The following SLC4A9 variants were observed in gnomAD, a reference collection of about 807,000 sequenced individuals.
The protein encoded by SLC4A9 is solute carrier family 4 member 9.
SLC4A9 carries 102 observed loss-of-function variants against 103.2 expected under a neutral mutation model. The ratio of observed to expected loss-of-function variants is 0.99; its 90% CI spans 0.84 to 1.17. The LOEUF (loss-of-function observed/expected upper bound fraction) is 1.17, where lower values mean the gene tolerates loss of function less well. Ranked by LOEUF, SLC4A9 falls within the 50% of genes most tolerant of loss-of-function variation. The pLI is 0.00. For synonymous variants in SLC4A9, 453 were observed against 483.6 expected (o/e 0.94, Z 0.83); for missense variants, 1,091 against 1,193.7 (o/e 0.91, Z 1.27).
At chr5:140,371,363 C>A in intron 18 of SLC4A9, 88 bp from the exon 19 acceptor site, 1 of 1,536,494 alleles carries the variant, frequency 6.5e-7, no homozygotes, top group South Asian at 1.2e-5. Flanking sequence ...TCTGCCTGCT[C>A]CCAGTGCTGG....
Position 140,363,050 on chromosome 5 carries a change from C to A in SLC4A9, c.946C>A (p.Pro316Thr). The part of the protein sequence containing the change: ...TARIPPPKCL[P>T]SQHKRLPSQQ... The stretch of plus-strand genomic sequence containing the variant: ...CCGGATTCCCCCGCCCAAATGTCTG[C>A]CATCTCAGCACAAAAGGTACCTGGG... The change falls in exon 7 of 22, where the codon CCA becomes ACA. Residue 316 changes from proline (P) to threonine (T), a missense_variant. Coordinates refer to ENST00000506757, the MANE Select transcript of SLC4A9 (RefSeq NM_031467.3). This position sits in a 1 kb window ranked among gnomAD's most constrained non-coding sequence, Gnocchi z 4.5. The A allele has an allele frequency of 9.9e-6, 16 of 1,613,324 alleles. No homozygotes were observed. The highest frequency in any genetic ancestry group is 1.4e-5 in the Non-Finnish European group (16 of 1,179,718).
chr5:140,366,107 G>A, intron 13 of SLC4A9, 44 bp from the exon 14 acceptor site: 2 of 1,608,658 alleles, frequency 1.2e-6, no homozygotes, highest in Non-Finnish European at 8.5e-7. Context: ...TGGAAAAAGA[G>A]AGATGGCAGG....
chr5:140,371,344 G>C, intron 18 of SLC4A9, 107 bp from the exon 19 acceptor site: 1 of 1,476,064 alleles, frequency 6.8e-7, no homozygotes, highest in South Asian at 1.2e-5. Flanking sequence ...GGACTCGGCT[G>C]CCATGCTCTC....
At position 140,362,450 on chromosome 5, in the gene SLC4A9, T is replaced by C. The variant is rs768067266; in HGVS notation, c.725T>C (p.Phe242Ser). The C allele has an allele frequency of 3.7e-6, 6 of 1,614,022 alleles. No homozygotes were observed. The highest frequency in any genetic ancestry group is 5.1e-6 in the Non-Finnish European group (6 of 1,179,870). The change falls in exon 6 of 22, where the codon TTC (phenylalanine) becomes TCC (serine). Residue 242 changes from phenylalanine (F) to serine (S), a missense_variant. Physicochemically the swap from Phe to Ser is radical, Grantham distance 155. Transcript: ENST00000506757. ...LTEVSLPSRF[F>S]CLLLGPCMLG... Reference sequence around the variant, plus strand: ...GGGCCTGGTTCCTTCCTCAGGTTTTTCTGCCTTCTCCTGGGCCCCTGTATG... The same window carrying C: ...GGGCCTGGTTCCTTCCTCAGGTTTTCCTGCCTTCTCCTGGGCCCCTGTATG...
intron 11 of SLC4A9, 136 bp from the exon 12 acceptor site, chr5:140,365,384 A>T: frequency 1.5e-6 from 1 of 688,412 alleles, no homozygotes; most frequent in Non-Finnish European, 2.5e-6. Flanking sequence ...CACACTTGGT[A>T]GTGATAGAGT....
chr5:140,374,208 A>T (rs1389722851), intron 21 of SLC4A9, among the ~76,000 whole-genome samples: 1 of 150,876 alleles, frequency 6.6e-6, no homozygotes, highest in Non-Finnish European at 1.5e-5. Flanking sequence ...ATCAAAAACA[A>T]AAATCTCTCT....
At position 140,362,969 on chromosome 5, in the gene SLC4A9, G is replaced by C. The variant is rs779055119; in HGVS notation, c.865G>C (p.Asp289His). 11 of 1,613,552 alleles carry C rather than the reference G, an allele frequency of 6.8e-6. No homozygotes were observed. In the East Asian group the frequency reaches 2.2e-4, roughly 33 times the overall value. The change falls in exon 7 of 22, where the codon GAT becomes CAT. Residue 289 changes from aspartate (D) to histidine (H), a missense_variant. By Grantham distance (81) the Asp-to-His change is moderately conservative (BLOSUM62 -1). Coordinates refer to ENST00000506757, the MANE Select transcript of SLC4A9 (RefSeq NM_031467.3). ...SNLHDLLAALDAFLEEVTVLP... is the reference protein window; with the variant it reads ...SNLHDLLAALHAFLEEVTVLP... ...CCTTCATGACCTTCTGGCAGCCCTG[G>C]ATGCATTCCTAGAGGAGGTGACAGT...
At position 140,363,448 on chromosome 5, in the gene SLC4A9, G is replaced by A. The variant is rs1427111478; in HGVS notation, c.972G>A (p.Ser324=). The change falls in exon 8 of 22, where the codon TCG becomes TCA. Residue 324 remains serine, a synonymous_variant. Transcript: ENST00000506757. This position sits in a 1 kb window ranked among gnomAD's most constrained non-coding sequence, Gnocchi z 4.5. ...TTCCCCTCCTCCTCAGGCTTCCCTC[G>A]CAACAGCGGGAGATCAGAGGTCCCG... ...CLPSQHKRLP[S]QQREIRGPAV... The A allele has an allele frequency of 1.3e-6, 2 of 1,551,208 alleles. No individual in the cohort carries two copies. The highest frequency in any genetic ancestry group is 1.4e-5 in the African/African-American group (1 of 73,160).
In SLC4A9 at chr5:140,368,644, G is replaced by A. The variant is rs750070929; in HGVS notation, c.2412G>A (p.Leu804=). ...TCCTTACAGGAGCCTCCATCTTCCT[G>A]GCACCTGTGCTCAAGGTACCTTTGT... is the stretch of plus-strand genomic sequence containing the variant. The part of the protein sequence containing the change: ...VFILTGASIF[L]APVLKFIPMP... Residue 804 remains leucine (L), a synonymous_variant, in exon 17 of 22, where the codon CTG becomes CTA. Transcript: ENST00000506757. 1.9e-6 allele frequency: 3 copies of A among 1,613,462 alleles called. No homozygotes were observed. Among genetic ancestry groups the A allele is most frequent in the Non-Finnish European group, 2.5e-6 (3 of 1,179,682 alleles).
In SLC4A9 at chr5:140,363,836, C is replaced by T. The variant is rs941357503; in HGVS notation, c.1188C>T (p.Tyr396=). 4 of 1,614,000 alleles carry T rather than the reference C, an allele frequency of 2.5e-6. No individual in the cohort carries two copies. The highest frequency in any genetic ancestry group is 1.3e-5 in the African/African-American group (1 of 75,054). ...GCTTCTCGGCCGTACTCTACATTTA[C>T]CTGGCCACTGTCACTAATGCCATCA... ...LQCFSAVLYI[Y]LATVTNAITF... The change falls in exon 9 of 22, where the codon TAC becomes TAT. Residue 396 remains tyrosine (Y), a synonymous_variant. Transcript: ENST00000506757. The surrounding 1 kb of genome is among the most constrained non-coding windows in gnomAD (Gnocchi z 4.5).
At chr5:140,374,051 C>T (rs761150738) in intron 21 of SLC4A9, among the ~76,000 whole-genome samples, 4 of 150,542 alleles carry the variant, frequency 2.7e-5, no homozygotes, top group South Asian at 2.1e-4. Flanking sequence ...TAAAATTAGC[C>T]GGGTGTGGTG....
chr5:140,366,240 G>T lies in SLC4A9; in HGVS notation c.1989G>T (p.Lys663Asn). 3 of 1,599,284 alleles carry T rather than the reference G, an allele frequency of 1.9e-6. No individual in the cohort carries two copies. Among genetic ancestry groups the T allele is most frequent in the Non-Finnish European group, 2.6e-6 (3 of 1,172,416 alleles). The change falls in exon 14 of 22, where the codon AAG becomes AAT. Residue 663 changes from lysine (K) to asparagine (N), a missense_variant. Physicochemically the swap from Lys to Asn is moderately conservative, Grantham distance 94. Transcript: ENST00000506757. ...CTTTCCTGGGCCTAGCCACACCAAA[G>T]CTCATGGTACCCAGAGAGTTCAAGG... ...LDAFLGLATP[K>N]LMVPREFKPT... is the part of the protein sequence containing the mutation.
rs1158966188 is a variant in SLC4A9, at chr5:140,360,893, C to A, written c.312C>A (p.Ser104Arg). 1.2e-6 allele frequency: 2 copies of A among 1,610,196 alleles called. No individual in the cohort carries two copies. The highest frequency in any genetic ancestry group is 1.7e-4 in the Middle Eastern group (1 of 5,730). The stretch of plus-strand genomic sequence containing the variant: ...ACGTGCCCACCCTGGCACTGCCCAG[C>A]CTCCAGAAGCTCCGCAGCCTGCTGG... Reference protein sequence around the residue: ...APHVPTLALPSLQKLRSLLAE... With the variant: ...APHVPTLALPRLQKLRSLLAE... Residue 104 changes from serine to arginine, a missense_variant, in exon 2 of 22, where the codon AGC becomes AGA. By Grantham distance (110) the Ser-to-Arg change is moderately radical (BLOSUM62 -1). Coordinates refer to ENST00000506757, the MANE Select transcript of SLC4A9 (RefSeq NM_031467.3).
In SLC4A9 at chr5:140,362,510, C is replaced by G; in HGVS notation, c.785C>G (p.Ala262Gly). The G allele has an allele frequency of 6.2e-7, 1 of 1,613,996 alleles. No individual in the cohort carries two copies. Among genetic ancestry groups the G allele is most frequent in the Non-Finnish European group, 8.5e-7 (1 of 1,179,846 alleles). ...GKGYHEMGRA[A>G]AVLLSDPQFQ... ...GGCTACCATGAGATGGGACGGGCAG[C>G]AGCTGTCCTCCTCAGTGACCCGGTG... The change falls in exon 6 of 22, where the codon GCA becomes GGA. Residue 262 changes from alanine (A) to glycine (G), a missense_variant. Ala to Gly is a moderately conservative substitution (Grantham distance 60). Coordinates refer to ENST00000506757, the MANE Select transcript of SLC4A9 (RefSeq NM_031467.3).
intron 2 of SLC4A9, 95 bp from the exon 3 acceptor site, chr5:140,361,159 T>A: frequency 7.8e-7 from 1 of 1,278,088 alleles, no homozygotes; most frequent in Non-Finnish European, 1.1e-6. Flanking sequence ...ATTCTGAGAC[T>A]CCCAGAAGGG....
rs751710267 is a variant in SLC4A9 at position 140,371,643 on chromosome 5, G to A, written c.2670+19G>A. 1.2e-6 allele frequency: 2 copies of A among 1,613,772 alleles called. No individual in the cohort carries two copies. Among genetic ancestry groups the A allele is most frequent in the Non-Finnish European group, 1.7e-6 (2 of 1,179,760 alleles). ...CCTCATGGTAAGCTGAGGCAGGGTT[G>A]GGCTGTGTCCTGGAGGGTCTTGGGA... On this transcript the variant is annotated intron_variant, in intron 19 of 21. Transcript: ENST00000506757.
At chr5:140,371,371 T>G in intron 18 of SLC4A9, 80 bp from the exon 19 acceptor site, 1 of 1,557,816 alleles carries the variant, frequency 6.4e-7, no homozygotes, top group Non-Finnish European at 8.8e-7. Context: ...CTCCCAGTGC[T>G]GGGCTATGAT....
At chr5:140,364,793 C>T (rs1027593831) in intron 11 of SLC4A9, among the ~76,000 whole-genome samples, 168 bp downstream of exon 11, 1 of 152,222 alleles carries the variant, frequency 6.6e-6, no homozygotes, top group African/African-American at 2.4e-5. Flanking sequence ...AGAAATAAGA[C>T]AACAGAAGGC....
intron 15 of SLC4A9, 51 bp from the exon 16 acceptor site, chr5:140,367,669 G>A: frequency 1.2e-6 from 2 of 1,609,244 alleles, no homozygotes; most frequent in African/African-American, 1.3e-5. Flanking sequence ...GAGGACAGAG[G>A]GCTGGGGCCT....
Sources: allele counts gnomAD v4.1 joint callset (sites outside exome capture counted in the v4.1 genomes callset), GRCh38; gene constraint gnomAD v4.1.1; non-coding constraint Gnocchi (gnomAD v3.1); transcripts MANE v1.5; gene names NCBI Gene and HGNC (gene_info 2026-07-23, HGNC 2026-07-21).